GRPEL2: variants seen among roughly 807,000 people sequenced by gnomAD.
GRPEL2 encodes grpE protein homolog 2, mitochondrial.
In GRPEL2, 18 loss-of-function variants were observed where a neutral mutation model predicts 25.9. That is an observed-to-expected ratio of 0.70 (90% CI 0.48 to 1.03). The LOEUF (loss-of-function observed/expected upper bound fraction) is 1.03. Among genes scored for constraint, GRPEL2 ranks in the 50% least tolerant of loss-of-function variants. GRPEL2 has a pLI of 0.00. For missense variants in GRPEL2, 247 were observed against 276.2 expected (o/e 0.89, Z 0.75); for synonymous variants, 106 against 107.9 (o/e 0.98, Z 0.11).
rs1283736086 is a variant in GRPEL2, at chr5:149,352,846, C to G, written c.*1564C>G. On this transcript the variant is annotated 3_prime_UTR_variant, in exon 4 of 4. Coordinates refer to ENST00000329271, the MANE Select transcript of GRPEL2 (RefSeq NM_152407.4). ...CAGTGAGAGTATGAATGAAGAACAA[C>G]TAGATATTAATGTCAATCATTTAAG... 6.6e-6 allele frequency: 1 copy of G among 152,034 alleles called. No homozygotes were observed. Among genetic ancestry groups the G allele is most frequent in the Non-Finnish European group, 1.5e-5 (1 of 68,022 alleles). The allele number at this position is 152,034 out of a possible 1,614,324, so 9.4% of individuals were successfully genotyped here. A position where few individuals can be genotyped will look rare whatever the true frequency, so the allele number is the denominator to read the frequency against.
At chr5:149,347,730 C>T (rs1429045030) in intron 1 of GRPEL2, among the ~76,000 whole-genome samples, 2 of 152,148 alleles carry the variant, frequency 1.3e-5, no homozygotes, top group Non-Finnish European at 1.5e-5. Context: ...CTCCTAAAAG[C>T]CTTACAGGTT....
Position 149,351,287 on chromosome 5 carries a change from GC to G in GRPEL2, c.*7del, listed in dbSNP as rs778576589. ...GAGTCTCAGAGAAGACTGTGAAGAG[GC>G]CATCAGGAACTGGATGTTCTCCCAG... On this transcript the variant is annotated 3_prime_UTR_variant, in exon 4 of 4. Coordinates refer to ENST00000329271, the MANE Select transcript of GRPEL2 (RefSeq NM_152407.4). 1.3e-6 allele frequency: 2 copies of G among 1,599,070 alleles called. No homozygotes were observed. The highest frequency in any genetic ancestry group is 2.2e-5 in the South Asian group (2 of 90,416).
At position 149,353,186 on chromosome 5, in the gene GRPEL2, C is replaced by A. The variant is rs1168948701; in HGVS notation, c.*1904C>A. ...TAAATATGCACTTTTAAAATGCAAT[C>A]AAAAGACTGGTGGTTAAGCTTGTAA... is the stretch of plus-strand genomic sequence containing the variant. On this transcript the variant is annotated 3_prime_UTR_variant, in exon 4 of 4. Transcript: ENST00000329271. 6.6e-6 allele frequency: 1 copy of A among 152,618 alleles called. No homozygotes were observed. The highest frequency in any genetic ancestry group is 2.4e-5 in the African/African-American group (1 of 41,440). The allele number at this position is 152,618 out of a possible 1,614,324, so 9.5% of individuals were successfully genotyped here.
rs141968352 is a variant in GRPEL2, at chr5:149,351,227, G to A, written c.623G>A (p.Arg208His). 3.3e-5 allele frequency: 54 copies of A among 1,613,532 alleles called. No individual in the cohort carries two copies. Among genetic ancestry groups the A allele is most frequent in the African/African-American group, 1.5e-4 (11 of 74,914 alleles). The change falls in exon 4 of 4, where the codon CGC (arginine) becomes CAC (histidine). Residue 208 changes from arginine (R) to histidine (H), a missense_variant. Transcript: ENST00000329271. Reference sequence around the variant, plus strand: ...CAAGATGGCTACAAACTTCATGGCCGCACCATTAGGCTTGCCCGAGTGGAA... The same window carrying A: ...CAAGATGGCTACAAACTTCATGGCCACACCATTAGGCTTGCCCGAGTGGAA... The part of the protein sequence containing the change: ...VRQDGYKLHG[R>H]TIRLARVEVA...
At position 149,353,586 on chromosome 5, in the gene GRPEL2, TTGG is replaced by T. The variant is rs1259051898; in HGVS notation, c.*2306_*2308del. On this transcript the variant is annotated 3_prime_UTR_variant, in exon 4 of 4. Transcript: ENST00000329271. The stretch of plus-strand genomic sequence containing the variant: ...TTTTTTGGTTTTTGGTTTTTGGTTT[TTGG>T]TTTTTTTTTTTTGGTTGGTTGGTTG... 6.6e-6 allele frequency: 1 copy of T among 151,404 alleles called. No homozygotes were observed. The allele number at this position is 151,404 out of a possible 1,614,324, so 9.4% of individuals were successfully genotyped here.
chr5:149,349,555 C>A (rs1757743926), intron 2 of GRPEL2, 99 bp from the exon 3 acceptor site: 3 of 825,434 alleles, frequency 3.6e-6, no homozygotes, highest in Non-Finnish European at 5.7e-6. Flanking sequence ...TTTATAAAAA[C>A]CTATCAAAAG....
At position 149,352,574 on chromosome 5, in the gene GRPEL2, A is replaced by G. The variant is rs895269676; in HGVS notation, c.*1292A>G. ...GCTCACCTTTTATATATTAACCTCTAGAATTAATGGGCCTATGTGGTTTTT... is the reference window on the plus strand; with the variant it reads ...GCTCACCTTTTATATATTAACCTCTGGAATTAATGGGCCTATGTGGTTTTT... On this transcript the variant is annotated 3_prime_UTR_variant, in exon 4 of 4. Transcript: ENST00000329271. 1 of 152,108 alleles carries G rather than the reference A, an allele frequency of 6.6e-6. No homozygotes were observed. The highest frequency in any genetic ancestry group is 2.1e-4 in the South Asian group (1 of 4,836). The allele number at this position is 152,108 out of a possible 1,614,324, so 9.4% of individuals were successfully genotyped here. A position where few individuals can be genotyped will look rare whatever the true frequency, so the allele number is the denominator to read the frequency against.
intron 1 of GRPEL2, among the ~76,000 whole-genome samples, chr5:149,347,263 C>G (rs1468106111): frequency 6.6e-6 from 1 of 152,146 alleles, no homozygotes; most frequent in Non-Finnish European, 1.5e-5. Context: ...TTTGCTCTGC[C>G]CAGGATGCTC....
Position 149,354,525 on chromosome 5 carries a change from A to T in GRPEL2, c.*3243A>T, listed in dbSNP as rs1183134863. ...AAATGTAATATTCATCAGAACAAGG[A>T]TCACTGAGAAAAAATATTCAGAAAC... On this transcript the variant is annotated 3_prime_UTR_variant, in exon 4 of 4. Transcript: ENST00000329271. 6.6e-6 allele frequency: 1 copy of T among 152,254 alleles called. No individual in the cohort carries two copies. Among genetic ancestry groups the T allele is most frequent in the Non-Finnish European group, 1.5e-5 (1 of 68,046 alleles). 9.4% of individuals were successfully genotyped at this position (152,254 alleles called of 1,614,324 possible). A position where few individuals can be genotyped will look rare whatever the true frequency, so the allele number is the denominator to read the frequency against.
At position 149,353,424 on chromosome 5, in the gene GRPEL2, A is replaced by C. The variant is rs1323282668; in HGVS notation, c.*2142A>C. On this transcript the variant is annotated 3_prime_UTR_variant, in exon 4 of 4. Transcript: ENST00000329271. ...TTAGAATTAACATTAATTACAATTA[A>C]CAATAATTTTAGGTATGGAATGTTA... is the stretch of plus-strand genomic sequence containing the variant. 1.3e-5 allele frequency: 2 copies of C among 152,142 alleles called. No individual in the cohort carries two copies. Among genetic ancestry groups the C allele is most frequent in the Non-Finnish European group, 2.9e-5 (2 of 68,034 alleles). 9.4% of individuals were successfully genotyped at this position (152,142 alleles called of 1,614,324 possible). A position where few individuals can be genotyped will look rare whatever the true frequency, so the allele number is the denominator to read the frequency against.
At position 149,351,200 on chromosome 5, in the gene GRPEL2, G is replaced by A; in HGVS notation, c.596G>A (p.Arg199Lys). The A allele has an allele frequency of 6.2e-7, 1 of 1,614,154 alleles. No homozygotes were observed. Among genetic ancestry groups the A allele is most frequent in the African/African-American group, 1.3e-5 (1 of 75,036 alleles). Reference sequence around the variant, plus strand: ...CAGCCTGGCACCGTGGCATTAGTAAGACAAGATGGCTACAAACTTCATGGC... The same window carrying A: ...CAGCCTGGCACCGTGGCATTAGTAAAACAAGATGGCTACAAACTTCATGGC... ...GVQPGTVALV[R>K]QDGYKLHGRT... is the part of the protein sequence containing the mutation. Residue 199 changes from arginine to lysine, a missense_variant, in exon 4 of 4, where the codon AGA becomes AAA. Around this residue, in one of 2 missense-constraint regions of GRPEL2, gnomAD observed 122 missense variants for 169.2 expected, o/e 0.72. Coordinates refer to ENST00000329271, the MANE Select transcript of GRPEL2 (RefSeq NM_152407.4).
Position 149,351,779 on chromosome 5 carries a change from T to C in GRPEL2, c.*497T>C, listed in dbSNP as rs548730958. 11 of 155,136 alleles carry C rather than the reference T, an allele frequency of 7.1e-5. No individual in the cohort carries two copies. In the East Asian group the frequency reaches 1.2e-3, roughly 16 times the overall value. 9.6% of individuals were successfully genotyped at this position (155,136 alleles called of 1,614,324 possible). On this transcript the variant is annotated 3_prime_UTR_variant, in exon 4 of 4. Coordinates refer to ENST00000329271, the MANE Select transcript of GRPEL2 (RefSeq NM_152407.4). ...TCAGGACTTTACCTTTTGTTTTGTT[T>C]TTTTCCTTTTAGCCATCTTTTGTTC...
intron 2 of GRPEL2, 61 bp from the exon 3 acceptor site, chr5:149,349,593 A>G: frequency 8.2e-7 from 1 of 1,218,486 alleles, no homozygotes; most frequent in South Asian, 1.4e-5. Flanking sequence ...AAGCAAAAAC[A>G]TTCTCTTCCA....
At position 149,351,547 on chromosome 5, in the gene GRPEL2, A is replaced by G; in HGVS notation, c.*265A>G. ...TGTTTAGGAAAATTGGTACTGTGAT[A>G]AATTTGAATCCAAAATCCTTTTAAC... On this transcript the variant is annotated 3_prime_UTR_variant, in exon 4 of 4. Transcript: ENST00000329271. 1 of 326,010 alleles carries G rather than the reference A, an allele frequency of 3.1e-6. No homozygotes were observed. The highest frequency in any genetic ancestry group is 5.4e-5 in the South Asian group (1 of 18,564). 20.2% of individuals were successfully genotyped at this position (326,010 alleles called of 1,614,324 possible).
intron 1 of GRPEL2, 23 bp downstream of exon 1, chr5:149,345,639 CG>C (rs1757676266): frequency 6.3e-7 from 1 of 1,584,370 alleles, no homozygotes. Context: ...GGCGGGGAGT[CG>C]GGAGCGTGAG....
At position 149,345,608 on chromosome 5, in the gene GRPEL2, G is replaced by T. The variant is rs1757674802; in HGVS notation, c.69G>T (p.Trp23Cys). 9 of 1,610,170 alleles carry T rather than the reference G, an allele frequency of 5.6e-6. No individual in the cohort carries two copies. The highest frequency in any genetic ancestry group is 7.6e-6 in the Non-Finnish European group (9 of 1,178,640). Reference protein sequence around the residue: ...VQRLLAWSAAWESKGWPLPFS... With the variant: ...VQRLLAWSAACESKGWPLPFS... ...GCCTACTGGCCTGGAGTGCCGCGTG[G>T]GAGAGCAAGTAAGCATTGCAGGCGG... Residue 23 changes from tryptophan to cysteine, a missense_variant, in exon 1 of 4, where the codon TGG becomes TGT. Physicochemically the swap from Trp to Cys is radical, Grantham distance 215. Around this residue, in one of 2 missense-constraint regions of GRPEL2, gnomAD observed 125 missense variants for 107.0 expected, o/e 1.17. Transcript: ENST00000329271.
chr5:149,345,637 G>A, intron 1 of GRPEL2, 21 bp downstream of exon 1: 2 of 1,587,430 alleles, frequency 1.3e-6, no homozygotes, highest in South Asian at 1.1e-5. Context: ...CAGGCGGGGA[G>A]TCGGGAGCGT....
rs1757672512 is a variant in GRPEL2, at chr5:149,345,561, G to A, written c.22G>A (p.Ala8Thr). The change falls in exon 1 of 4, where the codon GCG (alanine) becomes ACG (threonine). Residue 8 changes from alanine to threonine, a missense_variant. Physicochemically the swap from Ala to Thr is moderately conservative, Grantham distance 58. Transcript: ENST00000329271. Reference protein sequence around the residue: MAVRSLWAGRLRVQRLLA... With the variant: MAVRSLWTGRLRVQRLLA... ...AAACATGGCCGTACGGTCGCTGTGG[G>A]CGGGCCGGCTGCGGGTGCAGCGCCT... The A allele has an allele frequency of 1.9e-6, 3 of 1,612,046 alleles. No individual in the cohort carries two copies. The highest frequency in any genetic ancestry group is 1.1e-5 in the South Asian group (1 of 90,556).
intron 1 of GRPEL2, among the ~76,000 whole-genome samples, chr5:149,347,865 C>T (rs909398661): frequency 3.9e-5 from 6 of 152,212 alleles, no homozygotes; most frequent in Admixed American, 6.5e-5. Context: ...TCTGACAATG[C>T]TCCTCTGGTT....
Sources: gnomAD v4.1 joint callset for allele counts (sites outside exome capture counted in the v4.1 genomes callset) on GRCh38, gnomAD v4.1.1 for gene constraint, gnomAD v4.1.1 regional missense constraint, MANE v1.5 for transcripts, NCBI Gene and HGNC (gene_info 2026-07-23, HGNC 2026-07-21) for gene names.